CNTNAP2: variants seen among roughly 807,000 people sequenced by gnomAD.
The protein encoded by CNTNAP2 is contactin associated protein 2.
CNTNAP2 carries 98 observed loss-of-function variants against 155.2 expected under a neutral mutation model. The ratio of observed to expected loss-of-function variants is 0.63; its 90% CI spans 0.54 to 0.75. The LOEUF (loss-of-function observed/expected upper bound fraction) is 0.75. Ranked by LOEUF, CNTNAP2 falls within the 30% of genes least tolerant of loss-of-function variation. The pLI is 0.00. For missense variants in CNTNAP2, 1,727 were observed against 1,688.1 expected (o/e 1.02, Z -0.40); for synonymous variants, 651 against 631.2 (o/e 1.03, Z -0.47).
chr7:146,509,582 C>A (rs183022399), intron 1 of CNTNAP2, among the ~76,000 whole-genome samples: 21 of 152,230 alleles, frequency 1.4e-4, no homozygotes, highest in Admixed American at 6.5e-4. Flanking sequence ...TCTGATGAGC[C>A]ACTGGGGGAG....
rs1250569026 is a variant in CNTNAP2 at position 147,507,330 on chromosome 7, T to C, written c.1777+21289T>C. 2.0e-5 allele frequency among the ~76,000 whole-genome samples: 3 copies of C among 152,228 alleles called. No homozygotes were observed. The East Asian group carries it at 5.8e-4, about 29-fold the overall frequency. The stretch of plus-strand genomic sequence containing the variant: ...TGTGTTTAAAAATTGTTAATCTTTC[T>C]CAACAACATTTCTTATGGACTCAGC... On this transcript the variant is annotated intron_variant, in intron 11 of 23. Transcript: ENST00000361727.
chr7:147,627,825 C>CA (rs373719168), intron 12 of CNTNAP2, among the ~76,000 whole-genome samples: 1 of 145,974 alleles, frequency 6.9e-6, no homozygotes, highest in African/African-American at 2.5e-5. Context: ...TACGGAAATA[C>CA]AAAAAGTGTA....
At chr7:146,352,531 C>T (rs1182251700) in intron 1 of CNTNAP2, among the ~76,000 whole-genome samples, 1 of 151,934 alleles carries the variant, frequency 6.6e-6, no homozygotes, top group African/African-American at 2.4e-5. Flanking sequence ...AAATATACAA[C>T]CAGCCTGAAT....
At chr7:146,530,391 A>G (rs1237314273) in intron 1 of CNTNAP2, among the ~76,000 whole-genome samples, 2 of 152,186 alleles carry the variant, frequency 1.3e-5, no homozygotes, top group African/African-American at 2.4e-5. Flanking sequence ...GGACCTAATT[A>G]AACTAAAGAT....
intron 13 of CNTNAP2, among the ~76,000 whole-genome samples, chr7:147,735,739 GTTC>G (rs1268507739): frequency 3.3e-5 from 5 of 152,154 alleles, no homozygotes; most frequent in Admixed American, 2.0e-4. Flanking sequence ...AAGATAGTTA[GTTC>G]TTCTTGTTGA....
At chr7:148,397,951 G>A (rs1217403525) in intron 22 of CNTNAP2, among the ~76,000 whole-genome samples, 1 of 152,216 alleles carries the variant, frequency 6.6e-6, no homozygotes, top group East Asian at 1.9e-4. Context: ...TATTTAGCAT[G>A]GAGCTTTTAT....
At chr7:148,326,815 A>C (rs988348474) in intron 21 of CNTNAP2, among the ~76,000 whole-genome samples, 2 of 151,082 alleles carry the variant, frequency 1.3e-5, no homozygotes, top group African/African-American at 4.9e-5. Flanking sequence ...CAGTGAGCCG[A>C]GATCGTGCCA....
chr7:146,364,806 C>A (rs948943571), intron 1 of CNTNAP2, among the ~76,000 whole-genome samples: 28 of 152,312 alleles, frequency 1.8e-4, no homozygotes, highest in Non-Finnish European at 3.2e-4. Context: ...GACACATACA[C>A]TACAGGAACC....
intron 1 of CNTNAP2, among the ~76,000 whole-genome samples, chr7:146,567,815 G>A (rs1004769180): frequency 8.5e-5 from 13 of 152,100 alleles, no homozygotes; most frequent in African/African-American, 3.1e-4. Context: ...CCGCCTCCCG[G>A]GTTCAGGCCA....
At chr7:147,648,603 G>A (rs1318813836) in intron 13 of CNTNAP2, among the ~76,000 whole-genome samples, 6 of 152,124 alleles carry the variant, frequency 3.9e-5, no homozygotes, top group African/African-American at 4.8e-5. Context: ...CTCACATGGC[G>A]GCAGACAAGA....
chr7:147,702,055 G>GTT (rs553693695), intron 13 of CNTNAP2, among the ~76,000 whole-genome samples: 2,741 of 111,804 alleles, frequency 0.025, 106 homozygotes, highest in African/African-American at 0.084. Flanking sequence ...ACTTTGGTTG[G>GTT]TTTTTTTTTT....
chr7:148,332,393 G>C (rs960773442), intron 21 of CNTNAP2, among the ~76,000 whole-genome samples: 2 of 152,126 alleles, frequency 1.3e-5, no homozygotes, highest in Non-Finnish European at 2.9e-5. Flanking sequence ...CATAGTTAGA[G>C]GGAGAATTGA....
intron 2 of CNTNAP2, among the ~76,000 whole-genome samples, chr7:146,816,470 C>G (rs940690568): frequency 2.0e-5 from 3 of 152,114 alleles, no homozygotes; most frequent in Admixed American, 1.3e-4. Flanking sequence ...ACTGCCCATG[C>G]CGGGAACAGT....
At chr7:146,282,391 C>A (rs1293925947) in intron 1 of CNTNAP2, among the ~76,000 whole-genome samples, 1 of 152,186 alleles carries the variant, frequency 6.6e-6, no homozygotes, top group Non-Finnish European at 1.5e-5. Flanking sequence ...TCTGTCTCTC[C>A]TCCTGGTATG....
intron 2 of CNTNAP2, among the ~76,000 whole-genome samples, chr7:146,800,399 A>G (rs1009044834): frequency 1.3e-5 from 2 of 152,234 alleles, no homozygotes; most frequent in African/African-American, 4.8e-5. Flanking sequence ...CTCTGACCCT[A>G]GCCTTGTCAG....
At chr7:146,342,632 G>A (rs977683207) in intron 1 of CNTNAP2, among the ~76,000 whole-genome samples, 4 of 152,130 alleles carry the variant, frequency 2.6e-5, no homozygotes, top group Admixed American at 6.5e-5. Flanking sequence ...TTGAATAGAT[G>A]TTTTCCTTCT....
chr7:147,281,579 AC>A (rs1805035468), intron 8 of CNTNAP2, among the ~76,000 whole-genome samples: 1 of 151,708 alleles, frequency 6.6e-6, no homozygotes, highest in Non-Finnish European at 1.5e-5. Flanking sequence ...TTATTAAAAG[AC>A]TAAACCTATG....
chr7:146,382,039 T>C (rs1342283122), intron 1 of CNTNAP2, among the ~76,000 whole-genome samples: 1 of 152,192 alleles, frequency 6.6e-6, no homozygotes, highest in East Asian at 1.9e-4. Flanking sequence ...GGTTGCTGTT[T>C]TGGTAGCATT....
chr7:147,895,222 C>T (rs1799758579), intron 13 of CNTNAP2, among the ~76,000 whole-genome samples: 1 of 151,884 alleles, frequency 6.6e-6, no homozygotes, highest in African/African-American at 2.4e-5. Context: ...GATCCTCCCA[C>T]CTCGGCCTCC....
Sources: gnomAD v4.1 joint callset for allele counts (sites outside exome capture counted in the v4.1 genomes callset) on GRCh38, gnomAD v4.1.1 for gene constraint, MANE v1.5 for transcripts, NCBI Gene and HGNC (gene_info 2026-07-23, HGNC 2026-07-21) for gene names.